Variants in AMZ1 observed in about 807,000 individuals in gnomAD.
The protein encoded by AMZ1 is archaelysin family metallopeptidase 1.
AMZ1 carries 39 observed loss-of-function variants against 29.9 expected under a neutral mutation model. The observed-to-expected ratio is 1.30, with a 90% CI of 1.01 to 1.70. The LOEUF (loss-of-function observed/expected upper bound fraction) is 1.70, where lower values mean the gene tolerates loss of function less well. Among genes scored for constraint, AMZ1 ranks in the 40% most tolerant of loss-of-function variants. The pLI is 0.00. For missense variants in AMZ1, 1,041 were observed against 680.6 expected (o/e 1.53, Z -5.89); for synonymous variants, 458 against 304.0 (o/e 1.51, Z -5.27).
At chr7:2,729,445 A>T (rs906305313) in intron 4 of AMZ1, 5 of 152,486 alleles carry the variant, frequency 3.3e-5, no homozygotes, top group African/African-American at 1.2e-4. Flanking sequence ...TTATCCAGCC[A>T]AAAAAGGAGC....
At chr7:2,761,319 T>C (rs1791543644), upstream of AMZ1, among the ~76,000 whole-genome samples, 2 of 152,204 alleles carry the variant, frequency 1.3e-5, no homozygotes, top group Non-Finnish European at 2.9e-5. Context: ...CACAGAGCCG[T>C]CTGCTGGCTA....
In AMZ1 at chr7:2,716,284, TTTCCCTCTC is replaced by T. The variant is rs1160933247; in HGVS notation, c.*3411_*3419del. On this transcript the variant is annotated 3_prime_UTR_variant, in exon 7 of 7. Transcript: ENST00000683327. ...CAGTCCTCTTCCGAAATCTCATTCT[TTTCCCTCTC>T]TTCCTCCCCAAAAAGCCCAAACTCA... 3 of 152,142 alleles carry T rather than the reference TTTCCCTCTC, an allele frequency of 2.0e-5. No homozygotes were observed. The highest frequency in any genetic ancestry group is 4.2e-4 in the South Asian group (2 of 4,812). The allele number at this position is 152,142 out of a possible 1,614,324, so 9.4% of individuals were successfully genotyped here. A position where few individuals can be genotyped will look rare whatever the true frequency, so the allele number is the denominator to read the frequency against.
intron 6 of AMZ1, among the ~76,000 whole-genome samples, chr7:2,710,211 T>A (rs934170401): frequency 6.6e-6 from 1 of 152,008 alleles, no homozygotes; most frequent in African/African-American, 2.4e-5. Context: ...ACAGGCCCCT[T>A]GCGAGGAGGT....
chr7:2,709,916 G>T (rs1788657921), intron 6 of AMZ1, 100 bp downstream of exon 6: 17 of 1,502,758 alleles, frequency 1.1e-5, no homozygotes, highest in Non-Finnish European at 1.4e-5. Flanking sequence ...CCGCACACAG[G>T]CTTTGTCAAC....
At chr7:2,752,559 A>G (rs977013084) in intron 4 of AMZ1, among the ~76,000 whole-genome samples, 9 of 152,250 alleles carry the variant, frequency 5.9e-5, no homozygotes, top group African/African-American at 1.9e-4. Flanking sequence ...TAAGGAAGCT[A>G]TAAAAAAGCT....
intron 1 of AMZ1, among the ~76,000 whole-genome samples, chr7:2,695,008 C>T (rs1278589280): frequency 1.1e-4 from 17 of 152,132 alleles, no homozygotes; most frequent in East Asian, 3.8e-4. Context: ...TGAATGAACC[C>T]GTGCGTTCAC....
At chr7:2,726,745 C>A (rs1789636322) in intron 4 of AMZ1, among the ~76,000 whole-genome samples, 1 of 152,252 alleles carries the variant, frequency 6.6e-6, no homozygotes, top group Non-Finnish European at 1.5e-5. Flanking sequence ...AAGAGAGATG[C>A]CCCGTGATGC....
chr7:2,761,614 C>T (rs1404250492), upstream of AMZ1, among the ~76,000 whole-genome samples: 1 of 152,186 alleles, frequency 6.6e-6, no homozygotes, highest in Non-Finnish European at 1.5e-5. Context: ...ACACAGGGCA[C>T]GTTCCCGAAC....
Position 2,731,816 on chromosome 7 carries a change from A to C in AMZ1, n.550+22000A>C. 1 of 817,688 alleles carries C rather than the reference A, an allele frequency of 1.2e-6. No homozygotes were observed. The highest frequency in any genetic ancestry group is 1.8e-6 in the Non-Finnish European group (1 of 554,536). The allele number at this position is 817,688 out of a possible 1,614,324, so 50.7% of individuals were successfully genotyped here. A position where few individuals can be genotyped will look rare whatever the true frequency, so the allele number is the denominator to read the frequency against. On this transcript the variant is annotated intron_variant and non_coding_transcript_variant, in intron 4 of 4. Transcript: ENST00000489665. The surrounding 1 kb of genome is among the most constrained non-coding windows in gnomAD (Gnocchi z 6.0). ...GAAAGAACAGAGAAAATAGAAACAAAAAGATGGCAAAAAGATAAGAAGGAA... is the reference window on the plus strand; with the variant it reads ...GAAAGAACAGAGAAAATAGAAACAACAAGATGGCAAAAAGATAAGAAGGAA...
At chr7:2,748,513 G>A (rs1790875054) in intron 4 of AMZ1, among the ~76,000 whole-genome samples, 1 of 152,068 alleles carries the variant, frequency 6.6e-6, no homozygotes, top group Non-Finnish European at 1.5e-5. Flanking sequence ...ATTAATTCAA[G>A]ATGGATTAAA....
rs545527526 is a variant in AMZ1 at position 2,718,110 on chromosome 7, C to T, written c.*5232C>T. Among the ~76,000 whole-genome samples the T allele has an allele frequency of 1.1e-3, 162 of 152,326 alleles. No individual in the cohort carries two copies. Among genetic ancestry groups the T allele is most frequent in the Admixed American group, 2.4e-3 (37 of 15,306 alleles). On this transcript the variant is annotated 3_prime_UTR_variant, in exon 7 of 7. Transcript: ENST00000683327. ...CAAGATTAACCAGAGACGACACCTA[C>T]CAGATTCCACCACTGAGGCCTCCCT... is the stretch of plus-strand genomic sequence containing the variant.
chr7:2,717,599 G>C lies in AMZ1; in HGVS notation c.*4721G>C, dbSNP rs895033971. Among the ~76,000 whole-genome samples, 8 of 152,190 alleles carry C rather than the reference G, an allele frequency of 5.3e-5. No individual in the cohort carries two copies. The highest frequency in any genetic ancestry group is 1.7e-4 in the African/African-American group (7 of 41,442). On this transcript the variant is annotated 3_prime_UTR_variant, in exon 7 of 7. Transcript: ENST00000683327. ...AGCAGCAGCAAATTTATGGCTCTTG[G>C]AACACGAGGCTGTCAAAGATAAACA...
At chr7:2,693,618 C>G (rs906080706) in intron 1 of AMZ1, among the ~76,000 whole-genome samples, 1 of 152,170 alleles carries the variant, frequency 6.6e-6, no homozygotes, top group Non-Finnish European at 1.5e-5. Context: ...TGCAGTGGCG[C>G]GATCTCCGCT....
rs1250695049 is a variant in AMZ1, at chr7:2,744,574, CAG to C, written n.551-20135_551-20134del. Among the ~76,000 whole-genome samples the C allele has an allele frequency of 5.9e-5, 9 of 152,282 alleles. No homozygotes were observed. In the South Asian group the frequency reaches 8.3e-4, roughly 14 times the overall value. ...AAAGACCACAAAGATGGGGAAAAAA[CAG>C]AGCAGAAAAACTGGAAACTCTAAAA... is the stretch of plus-strand genomic sequence containing the variant. On this transcript the variant is annotated intron_variant and non_coding_transcript_variant, in intron 4 of 4. Transcript: ENST00000489665.
chr7:2,725,464 T>C (rs1789580015), intron 4 of AMZ1, among the ~76,000 whole-genome samples: 1 of 152,224 alleles, frequency 6.6e-6, no homozygotes, highest in South Asian at 2.1e-4. Context: ...TATTTCAATA[T>C]GGCGCCCTGA....
At chr7:2,747,425 T>A (rs937355069) in intron 4 of AMZ1, among the ~76,000 whole-genome samples, 1 of 152,164 alleles carries the variant, frequency 6.6e-6, no homozygotes, top group South Asian at 2.1e-4. Context: ...AAAAACCACA[T>A]GACTATCTCA....
At chr7:2,747,757 T>A (rs1458210195) in intron 4 of AMZ1, among the ~76,000 whole-genome samples, 1 of 152,234 alleles carries the variant, frequency 6.6e-6, no homozygotes, top group African/African-American at 2.4e-5. Context: ...GACATGATTG[T>A]ATATTATCTA....
Position 2,688,214 on chromosome 7 carries a change from C to A in AMZ1, c.-301C>A. On this transcript the variant is annotated 5_prime_UTR_variant, in exon 1 of 7. Transcript: ENST00000683327. ...ACCGGGACCTCCCGATCCTCCCGGC[C>A]CAGGCCGAGCTGCCCACGCTGCTGC... 6.6e-6 allele frequency: 1 copy of A among 152,318 alleles called. No individual in the cohort carries two copies. Among genetic ancestry groups the A allele is most frequent in the South Asian group, 2.1e-4 (1 of 4,830 alleles). 9.4% of individuals were successfully genotyped at this position (152,318 alleles called of 1,614,324 possible).
Position 2,750,688 on chromosome 7 carries a change from C to A in AMZ1, n.551-14024C>A, listed in dbSNP as rs538791146. On this transcript the variant is annotated intron_variant and non_coding_transcript_variant, in intron 4 of 4. Transcript: ENST00000489665. The stretch of plus-strand genomic sequence containing the variant: ...ACTGAAACCATGGAAGGTGAAGCCA[C>A]GGACACGGGGGACTATTGGACAGGC... Among the ~76,000 whole-genome samples, 4 of 152,296 alleles carry A rather than the reference C, an allele frequency of 2.6e-5. No homozygotes were observed. In the East Asian group the frequency reaches 5.8e-4, roughly 22 times the overall value.
Sources: allele counts gnomAD v4.1 joint callset (sites outside exome capture counted in the v4.1 genomes callset), GRCh38; gene constraint gnomAD v4.1.1; non-coding constraint Gnocchi (gnomAD v3.1); transcripts MANE v1.5; gene names NCBI Gene and HGNC (gene_info 2026-07-23, HGNC 2026-07-21).